SOX6: variants seen among roughly 807,000 people sequenced by gnomAD.
SOX6 encodes SRY-box transcription factor 6.
A neutral mutation model predicts 97.8 loss-of-function variants in SOX6; 11 were observed. The ratio of observed to expected loss-of-function variants is 0.11; its 90% CI spans 0.07 to 0.19. The LOEUF is 0.19. Among genes scored for constraint, SOX6 ranks in the 10% least tolerant of loss-of-function variants. The probability of loss-of-function intolerance (pLI) is 1.00; values close to 1 mark genes in which losing one functional copy is unlikely to be tolerated. For missense variants in SOX6, 810 were observed against 1,039.5 expected, an observed-to-expected ratio of 0.78 and a Z score of 3.04; for synonymous variants, 360 against 371.4, an observed-to-expected ratio of 0.97 and a Z score of 0.35.
chr11:16,193,843 C>T (rs147575201), intron 4 of SOX6, among the ~76,000 whole-genome samples: 345 of 152,214 alleles, frequency 2.3e-3, no homozygotes, highest in African/African-American at 8.1e-3. Context: ...AATAACAATG[C>T]TAGTCATAAA....
intron 12 of SOX6, among the ~76,000 whole-genome samples, chr11:16,033,769 G>A (rs113899799): frequency 0.011 from 1,616 of 152,224 alleles, 28 homozygotes; most frequent in African/African-American, 0.037. Context: ...CTACTGGGGC[G>A]GCTGAGACAG....
chr11:16,666,325 A>T (rs1847806800), intron 3 of SOX6, among the ~76,000 whole-genome samples: 1 of 152,248 alleles, frequency 6.6e-6, no homozygotes, highest in Non-Finnish European at 1.5e-5. Flanking sequence ...TCAAGATAAC[A>T]CAGAGAAGAA....
At position 16,529,719 on chromosome 11, in the gene SOX6, A is replaced by G. The variant is rs142682020; in HGVS notation, n.610-53331T>C. On this transcript the variant is annotated intron_variant and non_coding_transcript_variant, in intron 4 of 5. Transcript: ENST00000524520. ...AATGGAATTAATTGGTGCATAAATA[A>G]TGTATCTCAGAAATATTACCTTGTT... 8.0e-3 allele frequency among the ~76,000 whole-genome samples: 1,214 copies of G among 152,192 alleles called. 14 individuals carry two copies. Among genetic ancestry groups the G allele is most frequent in the African/African-American group, 0.028 (1,159 of 41,544 alleles).
chr11:16,423,900 T>G (rs1859070993), intron 1 of SOX6, among the ~76,000 whole-genome samples: 1 of 152,142 alleles, frequency 6.6e-6, no homozygotes, highest in South Asian at 2.1e-4. Context: ...AGTAGATTAA[T>G]CTAAAAAGGC....
In SOX6 at chr11:16,516,458, T is replaced by C. The variant is rs141253895; in HGVS notation, n.610-40070A>G. Among the ~76,000 whole-genome samples, 688 of 152,104 alleles carry C rather than the reference T, an allele frequency of 4.5e-3. 5 individuals carry two copies. The highest frequency in any genetic ancestry group is 0.031 in the Middle Eastern group (9 of 294). On this transcript the variant is annotated intron_variant and non_coding_transcript_variant, in intron 4 of 5. Transcript: ENST00000524520. ...TTAAGGAGATTTTGGGCTGAGACAA[T>C]GAATCAAATAGACGCAATAAAAAAT...
At chr11:16,241,662 T>C (rs979527366) in intron 3 of SOX6, among the ~76,000 whole-genome samples, 17 of 151,798 alleles carry the variant, frequency 1.1e-4, no homozygotes, top group African/African-American at 4.1e-4. Flanking sequence ...CTTCTACTGC[T>C]CCCCCTTGCC....
At chr11:16,350,538 A>C (rs1856914712) in intron 1 of SOX6, among the ~76,000 whole-genome samples, 1 of 152,200 alleles carries the variant, frequency 6.6e-6, no homozygotes, top group African/African-American at 2.4e-5. Flanking sequence ...AGGGGATTGC[A>C]ATCAGTATTT....
intron 1 of SOX6, among the ~76,000 whole-genome samples, chr11:16,396,932 C>A (rs1257148710): frequency 6.6e-6 from 1 of 151,438 alleles, no homozygotes; most frequent in Non-Finnish European, 1.5e-5. Flanking sequence ...TTAGAAAAGT[C>A]CTTATTAAAC....
At chr11:16,371,726 A>C (rs1347421273) in intron 1 of SOX6, among the ~76,000 whole-genome samples, 1 of 152,164 alleles carries the variant, frequency 6.6e-6, no homozygotes, top group African/African-American at 2.4e-5. Context: ...TAAAGTGTAA[A>C]ATTGTATTAC....
intron 4 of SOX6, among the ~76,000 whole-genome samples, chr11:16,608,955 T>C (rs989861318): frequency 1.3e-5 from 2 of 152,166 alleles, no homozygotes; most frequent in South Asian, 2.1e-4. Context: ...TAAAAATGCC[T>C]AAGTCAGATG....
At chr11:16,722,369 T>C (rs1282987662) in intron 2 of SOX6, among the ~76,000 whole-genome samples, 1 of 152,048 alleles carries the variant, frequency 6.6e-6, no homozygotes, top group Admixed American at 6.6e-5. Context: ...AAGTGGGCAA[T>C]GGGCCGGGTG....
chr11:16,420,705 G>A (rs1173467122), intron 1 of SOX6, among the ~76,000 whole-genome samples: 1 of 152,072 alleles, frequency 6.6e-6, no homozygotes, highest in Non-Finnish European at 1.5e-5. Context: ...CTTAATTTTT[G>A]TATTGTATTC....
intron 6 of SOX6, among the ~76,000 whole-genome samples, chr11:16,148,568 C>T (rs935365457): frequency 1.3e-5 from 2 of 152,092 alleles, no homozygotes; most frequent in African/African-American, 4.8e-5. Flanking sequence ...CCTGGGAATG[C>T]CTGGACTCTG....
intron 3 of SOX6, among the ~76,000 whole-genome samples, chr11:16,295,033 A>T (rs569271162): frequency 1.3e-5 from 2 of 152,218 alleles, no homozygotes; most frequent in African/African-American, 4.8e-5. Flanking sequence ...CAACATTCAC[A>T]TTTATTCATC....
At chr11:16,509,484 A>G (rs1176908290) in intron 4 of SOX6, among the ~76,000 whole-genome samples, 4 of 152,060 alleles carry the variant, frequency 2.6e-5, no homozygotes, top group Admixed American at 2.6e-4. Context: ...TGGTGGTCTA[A>G]GCATAATGGA....
chr11:16,516,643 C>T (rs1487971947), intron 4 of SOX6, among the ~76,000 whole-genome samples: 2 of 151,098 alleles, frequency 1.3e-5, no homozygotes, highest in Non-Finnish European at 2.9e-5. Flanking sequence ...AGTTGAATCT[C>T]TGAATAGACC....
At chr11:16,160,266 C>T (rs562521319) in intron 6 of SOX6, among the ~76,000 whole-genome samples, 7 of 152,140 alleles carry the variant, frequency 4.6e-5, no homozygotes, top group African/African-American at 7.2e-5. Context: ...AAGTCAGTGT[C>T]TAATTTCAAA....
exon 2 of SOX6, chr11:16,736,388 G>A (rs1564880982): frequency 6.6e-6 from 1 of 152,122 alleles, no homozygotes; most frequent in African/African-American, 2.4e-5. Context: ...AAATGTCCCA[G>A]TCTTTAGTAT....
chr11:16,406,036 G>T (rs1373405157), intron 1 of SOX6, among the ~76,000 whole-genome samples: 1 of 151,880 alleles, frequency 6.6e-6, no homozygotes, highest in Non-Finnish European at 1.5e-5. Flanking sequence ...CTTTCTTTAT[G>T]GACTAAATCG....
Sources: allele counts gnomAD v4.1 joint callset (sites outside exome capture counted in the v4.1 genomes callset), GRCh38; gene constraint gnomAD v4.1.1; transcripts MANE v1.5; gene names NCBI Gene and HGNC (gene_info 2026-07-23, HGNC 2026-07-21).